The following XRCC5 variants were observed in gnomAD, a reference collection of about 807,000 sequenced individuals.
XRCC5 encodes the protein DNA repair protein Ku80.
A neutral mutation model predicts 95.7 loss-of-function variants in XRCC5; 12 were observed. The ratio of observed to expected loss-of-function variants is 0.13; its 90% CI spans 0.08 to 0.20. The LOEUF (loss-of-function observed/expected upper bound fraction) is 0.20. Among genes scored for constraint, XRCC5 ranks in the 10% least tolerant of loss-of-function variants. XRCC5 has a pLI of 1.00. For missense variants in XRCC5, 595 were observed against 873.9 expected (o/e 0.68, Z 4.02); for synonymous variants, 281 against 290.3 (o/e 0.97, Z 0.33).
At position 216,138,132 on chromosome 2, in the gene XRCC5, A is replaced by T; in HGVS notation, c.1295A>T (p.Gln432Leu). ...CTGCCTTTCATGGAAGACTTGCGGC[A>T]ATACATGTTTTCATCCTTGAAAAAC... ...VQLPFMEDLR[Q>L]YMFSSLKNSK... Residue 432 changes from glutamine (Q) to leucine (L), a missense_variant, in exon 12 of 21, where the codon CAA becomes CTA. Gln to Leu is a moderately radical substitution (Grantham distance 113). This residue lies in a region of XRCC5 where 309 missense variants were observed against 382.9 expected (regional missense o/e 0.81). Coordinates refer to ENST00000392132, the MANE Select transcript of XRCC5 (RefSeq NM_021141.4). 3.7e-6 allele frequency: 6 copies of T among 1,613,500 alleles called. No homozygotes were observed. The highest frequency in any genetic ancestry group is 5.1e-6 in the Non-Finnish European group (6 of 1,179,944).
At chr2:216,114,122 A>G (rs1449370997) in intron 2 of XRCC5, among the ~76,000 whole-genome samples, 1 of 152,206 alleles carries the variant, frequency 6.6e-6, no homozygotes, top group South Asian at 2.1e-4. Context: ...TTGAAGAATA[A>G]AAGAATTAAT....
intron 16 of XRCC5, among the ~76,000 whole-genome samples, chr2:216,178,745 T>TA (rs1689324705): frequency 6.6e-6 from 1 of 152,144 alleles, no homozygotes. Context: ...TCCATCTCTG[T>TA]AAAATTAAGG....
intron 8 of XRCC5, among the ~76,000 whole-genome samples, chr2:216,129,696 C>T (rs1021874001): frequency 5.3e-5 from 8 of 152,164 alleles, no homozygotes; most frequent in East Asian, 1.9e-4. Flanking sequence ...TATTTTGAGA[C>T]GGAGTCTTGC....
At chr2:216,129,512 A>G (rs1696948450) in intron 8 of XRCC5, among the ~76,000 whole-genome samples, 1 of 152,230 alleles carries the variant, frequency 6.6e-6, no homozygotes, top group Admixed American at 6.5e-5. Context: ...CAAGTTACAC[A>G]ATTCACACGA....
At chr2:216,118,902 A>T in intron 4 of XRCC5, 141 bp from the exon 5 acceptor site, 1 of 878,844 alleles carries the variant, frequency 1.1e-6, no homozygotes, top group Non-Finnish European at 1.8e-6. Context: ...ATAAGAACTT[A>T]ATTGGACTAC....
At chr2:216,173,413 A>C (rs1467871886) in intron 16 of XRCC5, among the ~76,000 whole-genome samples, 1 of 152,100 alleles carries the variant, frequency 6.6e-6, no homozygotes, top group African/African-American at 2.4e-5. Context: ...ATTGGTTGAA[A>C]GTTTTTATTA....
chr2:216,156,308 G>A (rs1688841140), intron 14 of XRCC5: 2 of 612,112 alleles, frequency 3.3e-6, no homozygotes, highest in Non-Finnish European at 6.3e-6. Flanking sequence ...GCAGGAAGCA[G>A]AAGCAATATG....
intron 5 of XRCC5, among the ~76,000 whole-genome samples, chr2:216,120,601 C>CGAG (rs374540748): frequency 3.8e-4 from 58 of 151,740 alleles, no homozygotes; most frequent in African/African-American, 1.3e-3. Context: ...TTTTTAGAAA[C>CGAG]GTCTTCTGTA....
chr2:216,120,083 A>T (rs1339435452), intron 5 of XRCC5, among the ~76,000 whole-genome samples: 1 of 150,212 alleles, frequency 6.7e-6, no homozygotes, highest in Admixed American at 6.8e-5. Flanking sequence ...TTCTCTTAAG[A>T]CTACAGAGCG....
chr2:216,168,898 T>G lies in XRCC5; in HGVS notation c.1834+6850T>G, dbSNP rs182706652. Among the ~76,000 whole-genome samples, 8 of 152,356 alleles carry G rather than the reference T, an allele frequency of 5.3e-5. No homozygotes were observed. In the East Asian group the frequency reaches 1.5e-3, roughly 29 times the overall value. On this transcript the variant is annotated intron_variant, in intron 16 of 20. Coordinates refer to ENST00000392132, the MANE Select transcript of XRCC5 (RefSeq NM_021141.4). ...TTTTCCCCAAAGATCACATAGGAAT[T>G]CAAACGCATGTCTCTTTCAAATACT...
chr2:216,177,405 T>G (rs1453353736), intron 16 of XRCC5, among the ~76,000 whole-genome samples: 3 of 152,162 alleles, frequency 2.0e-5, no homozygotes, highest in African/African-American at 7.2e-5. Flanking sequence ...GAAAACACTG[T>G]CAATTCAGGT....
chr2:216,138,238 C>T, intron 12 of XRCC5, 59 bp downstream of exon 12: 1 of 1,482,654 alleles, frequency 6.7e-7, no homozygotes, highest in Non-Finnish European at 9.4e-7. Context: ...TGGGAAATCA[C>T]CTGTCTGCTA....
At chr2:216,115,539 T>C (rs1177509192) in intron 2 of XRCC5, among the ~76,000 whole-genome samples, 1 of 69,976 alleles carries the variant, frequency 1.4e-5, no homozygotes. Flanking sequence ...CTGGGAATTG[T>C]TGTGTTGTTT....
At chr2:216,151,673 C>T (rs950781623) in intron 14 of XRCC5, among the ~76,000 whole-genome samples, 6 of 152,172 alleles carry the variant, frequency 3.9e-5, no homozygotes, top group African/African-American at 1.2e-4. Context: ...GTATGCTGTT[C>T]ACTCTTGTAT....
At chr2:216,124,455 T>C (rs1443511813) in intron 6 of XRCC5, among the ~76,000 whole-genome samples, 1 of 152,208 alleles carries the variant, frequency 6.6e-6, no homozygotes, top group Non-Finnish European at 1.5e-5. Context: ...GAATTTTCCC[T>C]GAAATAGAAT....
chr2:216,173,837 A>G (rs1200577604), intron 16 of XRCC5, among the ~76,000 whole-genome samples: 1 of 152,182 alleles, frequency 6.6e-6, no homozygotes, highest in Non-Finnish European at 1.5e-5. Flanking sequence ...GGTCTCCTCC[A>G]GCTGCCGGTG....
At chr2:216,147,422 C>T (rs752914823) in intron 13 of XRCC5, among the ~76,000 whole-genome samples, 9 of 152,072 alleles carry the variant, frequency 5.9e-5, no homozygotes, top group Non-Finnish European at 1.3e-4. Context: ...TCCAGTCAGA[C>T]AGTGGAAAGA....
intron 18 of XRCC5, among the ~76,000 whole-genome samples, chr2:216,193,275 G>T (rs560457901): frequency 3.0e-4 from 45 of 152,328 alleles, no homozygotes; most frequent in African/African-American, 1.1e-3. Context: ...CATTCTTTCA[G>T]TGTTAGGCTT....
intron 16 of XRCC5, among the ~76,000 whole-genome samples, chr2:216,180,273 A>G (rs1416197388): frequency 1.3e-5 from 2 of 152,220 alleles, no homozygotes; most frequent in Non-Finnish European, 2.9e-5. Context: ...AGCAAAGGCA[A>G]TAGGATGGAA....
Sources: allele counts gnomAD v4.1 joint callset (sites outside exome capture counted in the v4.1 genomes callset), GRCh38; gene constraint gnomAD v4.1.1; regional missense constraint gnomAD v4.1.1; transcripts MANE v1.5; gene names NCBI Gene and HGNC (gene_info 2026-07-23, HGNC 2026-07-21).